Variants in CNTNAP2 observed in about 807,000 individuals in gnomAD.
CNTNAP2 encodes contactin associated protein 2, also known as contactin-associated protein-like 2.
A neutral mutation model predicts 155.2 loss-of-function variants in CNTNAP2; 98 were observed. That is an observed-to-expected ratio of 0.63 (90% CI 0.54 to 0.75). The LOEUF is 0.75. CNTNAP2 is among the 30% of genes least tolerant of loss of function. The pLI is 0.00. For missense variants in CNTNAP2, 1,727 were observed against 1,688.1 expected, an observed-to-expected ratio of 1.02 and a Z score of -0.40; for synonymous variants, 651 against 631.2, an observed-to-expected ratio of 1.03 and a Z score of -0.47.
rs971271338 is a variant in CNTNAP2 at position 147,485,882 on chromosome 7, C to T, written c.1671-53C>T. The T allele has an allele frequency of 4.2e-5, 66 of 1,579,278 alleles. No homozygotes were observed. The African/African-American group carries it at 4.2e-4, about 10-fold the overall frequency. ...CCAGACAGCTTGGAATTTGGCCACT[C>T]ATAAATCTCATTTGTTTGTTGGTTT... On this transcript the variant is annotated intron_variant, in intron 10 of 23. Coordinates refer to ENST00000361727, the MANE Select transcript of CNTNAP2 (RefSeq NM_014141.6).
chr7:147,840,760 A>AAGAT (rs1798714651), intron 13 of CNTNAP2, among the ~76,000 whole-genome samples: 1 of 152,164 alleles, frequency 6.6e-6, no homozygotes, highest in South Asian at 2.1e-4. Context: ...AAGGAAAGGG[A>AAGAT]AGATAGAAAG....
At chr7:147,288,666 A>G (rs925244813) in intron 8 of CNTNAP2, among the ~76,000 whole-genome samples, 1 of 152,216 alleles carries the variant, frequency 6.6e-6, no homozygotes, top group Admixed American at 6.5e-5. Context: ...ATGAAATACA[A>G]CAGATATTAA....
At chr7:147,366,673 G>A (rs1287270140) in intron 9 of CNTNAP2, among the ~76,000 whole-genome samples, 1 of 151,788 alleles carries the variant, frequency 6.6e-6, no homozygotes, top group Non-Finnish European at 1.5e-5. Flanking sequence ...GTTTTGTTAT[G>A]CAGTACTTTC....
chr7:147,395,539 T>C, intron 9 of CNTNAP2, 70 bp from the exon 10 acceptor site: 1 of 1,484,880 alleles, frequency 6.7e-7, no homozygotes, highest in Non-Finnish European at 9.4e-7. Flanking sequence ...CCAGGTAGAA[T>C]ACCCACAAGA....
At chr7:146,790,407 G>T (rs976670019) in intron 2 of CNTNAP2, among the ~76,000 whole-genome samples, 4 of 152,298 alleles carry the variant, frequency 2.6e-5, no homozygotes, top group African/African-American at 9.6e-5. Context: ...CAAAGAAATA[G>T]CACTAACTAG....
chr7:147,877,382 A>G (rs1304739742), intron 13 of CNTNAP2, among the ~76,000 whole-genome samples: 1 of 152,196 alleles, frequency 6.6e-6, no homozygotes, highest in East Asian at 1.9e-4. Context: ...AACATTATGA[A>G]CACCATATGG....
At chr7:147,139,880 G>C (rs1801559745) in intron 8 of CNTNAP2, among the ~76,000 whole-genome samples, 1 of 152,046 alleles carries the variant, frequency 6.6e-6, no homozygotes, top group African/African-American at 2.4e-5. Flanking sequence ...TGCATAGAAA[G>C]TAATTACCTT....
At chr7:146,412,382 T>A (rs1563074519) in intron 1 of CNTNAP2, among the ~76,000 whole-genome samples, 1 of 152,212 alleles carries the variant, frequency 6.6e-6, no homozygotes, top group Non-Finnish European at 1.5e-5. Context: ...TTATTCTTCT[T>A]ATTAATTTGG....
At chr7:147,908,403 T>A (rs1800004916) in intron 14 of CNTNAP2, among the ~76,000 whole-genome samples, 1 of 152,136 alleles carries the variant, frequency 6.6e-6, no homozygotes, top group Non-Finnish European at 1.5e-5. Context: ...GACAGCAACT[T>A]TGTCAGTAGG....
At chr7:147,218,724 A>C (rs1246089988) in intron 8 of CNTNAP2, among the ~76,000 whole-genome samples, 4 of 152,084 alleles carry the variant, frequency 2.6e-5, no homozygotes, top group Admixed American at 2.6e-4. Context: ...TAGTCTGTAG[A>C]TATTCATTAT....
chr7:146,274,031 T>C (rs900119680), intron 1 of CNTNAP2, among the ~76,000 whole-genome samples: 4 of 152,168 alleles, frequency 2.6e-5, no homozygotes, highest in African/African-American at 4.8e-5. Flanking sequence ...ACATATGTAA[T>C]AGTTGTAACT....
intron 3 of CNTNAP2, among the ~76,000 whole-genome samples, chr7:147,010,984 A>G (rs904826602): frequency 6.6e-6 from 1 of 152,114 alleles, no homozygotes; most frequent in Non-Finnish European, 1.5e-5. Context: ...AATGGAACAA[A>G]TTAATATCCT....
At position 146,753,116 on chromosome 7, in the gene CNTNAP2, A is replaced by G. The variant is rs540231428; in HGVS notation, c.98-21155A>G. ...GGTCAGTTAAATCTAAATAAATTCT[A>G]CTGTCATTTACTAAAATATTTAGGG... On this transcript the variant is annotated intron_variant, in intron 1 of 23. Coordinates refer to ENST00000361727, the MANE Select transcript of CNTNAP2 (RefSeq NM_014141.6). Among the ~76,000 whole-genome samples the G allele has an allele frequency of 2.0e-5, 3 of 152,274 alleles. No homozygotes were observed. In the South Asian group the frequency reaches 6.2e-4, roughly 32 times the overall value.
intron 4 of CNTNAP2, among the ~76,000 whole-genome samples, chr7:147,065,325 G>T (rs1278159757): frequency 6.6e-6 from 1 of 152,176 alleles, no homozygotes; most frequent in African/African-American, 2.4e-5. Flanking sequence ...AGGCTATTTT[G>T]TATTCTAAGT....
intron 8 of CNTNAP2, among the ~76,000 whole-genome samples, chr7:147,266,296 G>A (rs772215527): frequency 3.9e-5 from 6 of 152,168 alleles, no homozygotes; most frequent in Non-Finnish European, 5.9e-5. Context: ...ATAAAAGACC[G>A]GATGGAGCTG....
At chr7:146,834,400 A>ATACGTGTGCTCAC (rs1277168644) in intron 2 of CNTNAP2, among the ~76,000 whole-genome samples, 4 of 152,180 alleles carry the variant, frequency 2.6e-5, no homozygotes, top group Non-Finnish European at 5.9e-5. Context: ...TCTTTACAGC[A>ATACGTGTGCTCAC]TACGTGTGCT....
chr7:148,145,656 G>C (rs1028273485), intron 16 of CNTNAP2, among the ~76,000 whole-genome samples: 1 of 152,172 alleles, frequency 6.6e-6, no homozygotes, highest in African/African-American at 2.4e-5. Flanking sequence ...TATGAGAACA[G>C]AACAGATTTA....
intron 1 of CNTNAP2, among the ~76,000 whole-genome samples, chr7:146,294,669 A>C (rs2129087205): frequency 6.6e-6 from 1 of 152,324 alleles, no homozygotes; most frequent in Admixed American, 6.5e-5. Flanking sequence ...TTACCACTAT[A>C]GACTTTTATT....
In CNTNAP2 at chr7:146,649,017, A is replaced by G. The variant is rs183182271; in HGVS notation, c.98-125254A>G. Among the ~76,000 whole-genome samples, 4 of 152,262 alleles carry G rather than the reference A, an allele frequency of 2.6e-5. No homozygotes were observed. In the East Asian group the frequency reaches 7.7e-4, roughly 29 times the overall value. ...AGAAAAAAATTTTAAAAAGCAATTC[A>G]GAATGTCACTAGGATAAACCAAAAA... On this transcript the variant is annotated intron_variant, in intron 1 of 23. Transcript: ENST00000361727.
Sources: allele counts gnomAD v4.1 joint callset (sites outside exome capture counted in the v4.1 genomes callset), GRCh38; gene constraint gnomAD v4.1.1; transcripts MANE v1.5; gene names NCBI Gene and HGNC (gene_info 2026-07-23, HGNC 2026-07-21).